Variants in ZSCAN18 observed in about 807,000 individuals in gnomAD.
ZSCAN18 encodes zinc finger and SCAN domain containing 18, also known as zinc finger and SCAN domain-containing protein 18.
Under a neutral mutation model 31.1 loss-of-function variants are expected in ZSCAN18, and 16 were observed. The observed-to-expected ratio is 0.51, with a 90% CI of 0.35 to 0.78. The LOEUF (loss-of-function observed/expected upper bound fraction) is 0.78. Among genes scored for constraint, ZSCAN18 ranks in the 30% least tolerant of loss-of-function variants. ZSCAN18 has a pLI of 0.01. For missense variants in ZSCAN18, 731 were observed against 697.4 expected (o/e 1.05, Z -0.54); for synonymous variants, 375 against 320.7 (o/e 1.17, Z -1.81).
intron 1 of ZSCAN18, among the ~76,000 whole-genome samples, chr19:58,091,755 G>A (rs1036268048): frequency 6.6e-6 from 1 of 152,090 alleles, no homozygotes. Context: ...AGTCGGCCTC[G>A]GGCTCTCATG....
At chr19:58,107,901 G>T in intron 1 of ZSCAN18, 1 of 1,073,902 alleles carries the variant, frequency 9.3e-7, no homozygotes, top group Admixed American at 4.0e-5. Context: ...GTCCCTGAAG[G>T]CTTTGCCACA....
chr19:58,085,221 G>A lies in ZSCAN18; in HGVS notation c.997C>T (p.Pro333Ser). 1 of 1,608,396 alleles carries A rather than the reference G, an allele frequency of 6.2e-7. No homozygotes were observed. The highest frequency in any genetic ancestry group is 1.1e-5 in the South Asian group (1 of 90,948). Residue 333 changes from proline to serine, a missense_variant, in exon 7 of 7, where the codon CCG (proline) becomes TCG (serine). By Grantham distance (74) the Pro-to-Ser change is moderately conservative. This residue lies in a region of ZSCAN18 where 597 missense variants were observed against 499.5 expected (regional missense o/e 1.20). Coordinates refer to ENST00000601144, the MANE Select transcript of ZSCAN18 (RefSeq NM_001145543.2). ...GCGTCCTGGGGGTCCTGCGGGTCCGGGGCCTTCCCAGGCTGCTCTTCCTCC... is the reference window on the plus strand; with the variant it reads ...GCGTCCTGGGGGTCCTGCGGGTCCGAGGCCTTCCCAGGCTGCTCTTCCTCC... ...EEEEEQPGKAPDPQDPQDAES... is the reference protein window; with the variant it reads ...EEEEEQPGKASDPQDPQDAES...
At chr19:58,107,774 G>A in intron 1 of ZSCAN18, 1 of 991,950 alleles carries the variant, frequency 1.0e-6, no homozygotes, top group Non-Finnish European at 1.2e-6. Context: ...TCAGTCCAAT[G>A]TGTCAACTCT....
At chr19:58,097,849 C>T in intron 1 of ZSCAN18, 2 of 871,418 alleles carry the variant, frequency 2.3e-6, no homozygotes, top group African/African-American at 1.9e-5. Flanking sequence ...GCCGCCCCTT[C>T]CTGTTCTCCC....
intron 1 of ZSCAN18, chr19:58,093,178 C>G (rs2074449402): frequency 6.6e-6 from 1 of 152,272 alleles, no homozygotes. Context: ...CCGCTCACTG[C>G]CCCCGCCTTT....
chr19:58,085,421 G>A (rs765735632), intron 6 of ZSCAN18, 42 bp from the exon 7 acceptor site: 2 of 1,497,924 alleles, frequency 1.3e-6, no homozygotes, highest in Non-Finnish European at 1.8e-6. Context: ...CCCCGCCCAG[G>A]GCCAGGGAGA....
At position 58,085,616 on chromosome 19, in the gene ZSCAN18, G is replaced by A. The variant is rs1484688034; in HGVS notation, c.839-237C>T. The stretch of plus-strand genomic sequence containing the variant: ...CTCCAACAACGGAGGCCACCGACAG[G>A]ACAGGAAGGACAGCCCCACTGAGCC... On this transcript the variant is annotated intron_variant, in intron 6 of 6. Coordinates refer to ENST00000601144, the MANE Select transcript of ZSCAN18 (RefSeq NM_001145543.2). 24 of 530,066 alleles carry A rather than the reference G, an allele frequency of 4.5e-5. No individual in the cohort carries two copies. The South Asian group carries it at 6.3e-4, about 14-fold the overall frequency. The allele number at this position is 530,066 out of a possible 1,614,324, so 32.8% of individuals were successfully genotyped here. A position where few individuals can be genotyped will look rare whatever the true frequency, so the allele number is the denominator to read the frequency against.
intron 6 of ZSCAN18, chr19:58,085,970 C>G (rs1335685162): frequency 1.8e-6 from 1 of 570,908 alleles, no homozygotes; most frequent in East Asian, 2.9e-5. Flanking sequence ...TTCCACCGAC[C>G]AAGTCTTGGG....
At position 58,084,393 on chromosome 19, in the gene ZSCAN18, A is replaced by C; in HGVS notation, c.*292T>G. 2.7e-6 allele frequency: 1 copy of C among 370,024 alleles called. No individual in the cohort carries two copies. Among genetic ancestry groups the C allele is most frequent in the Non-Finnish European group, 4.8e-6 (1 of 207,360 alleles). 22.9% of individuals were successfully genotyped at this position (370,024 alleles called of 1,614,324 possible). The stretch of plus-strand genomic sequence containing the variant: ...AACTCTACACTGCACAATGTCAAAT[A>C]ACCTAGCATGGGGCGGCACTAAATG... On this transcript the variant is annotated 3_prime_UTR_variant, in exon 7 of 7. Coordinates refer to ENST00000601144, the MANE Select transcript of ZSCAN18 (RefSeq NM_001145543.2). This position sits in a 1 kb window ranked among gnomAD's most constrained non-coding sequence, Gnocchi z 4.5.
rs1033915752 is a variant in ZSCAN18 at position 58,108,091 on chromosome 19, T to A, written c.130+10176A>T. Reference sequence around the variant, plus strand: ...AGATTTTTTCACATTGTTTAACTCATGAGATTTCTTTCCAGAATGATTTTT... The same window carrying A: ...AGATTTTTTCACATTGTTTAACTCAAGAGATTTCTTTCCAGAATGATTTTT... On this transcript the variant is annotated intron_variant, in intron 1 of 1. Coordinates refer to the ZSCAN18 transcript ENST00000595721. The A allele has an allele frequency of 1.3e-5, 13 of 992,030 alleles. No homozygotes were observed. In the African/African-American group the frequency reaches 1.7e-4, roughly 13 times the overall value. The allele number at this position is 992,030 out of a possible 1,614,324, so 61.5% of individuals were successfully genotyped here.
intron 1 of ZSCAN18, among the ~76,000 whole-genome samples, chr19:58,103,492 A>T (rs2074610783): frequency 6.6e-6 from 1 of 152,176 alleles, no homozygotes; most frequent in East Asian, 1.9e-4. Context: ...GTGATCTGTG[A>T]TCAGTAATTT....
chr19:58,088,641 C>T lies in ZSCAN18; in HGVS notation c.553+47G>A, dbSNP rs190286033. On this transcript the variant is annotated intron_variant, in intron 3 of 6. Coordinates refer to ENST00000601144, the MANE Select transcript of ZSCAN18 (RefSeq NM_001145543.2). The stretch of plus-strand genomic sequence containing the variant: ...CCCAACCACAGGCCTCTGCCCAACA[C>T]CCCACCTAAGGCCCAGCAGAGGCTG... 6.4e-4 allele frequency: 1,020 copies of T among 1,586,848 alleles called. 8 individuals carry two copies. The African/African-American group carries it at 0.011, about 17-fold the overall frequency.
upstream of ZSCAN18, among the ~76,000 whole-genome samples, chr19:58,102,034 A>G (rs1422787541): frequency 6.6e-6 from 1 of 152,126 alleles, no homozygotes; most frequent in Non-Finnish European, 1.5e-5. Context: ...TTTTATAAAT[A>G]AAAGCCTCAA....
At chr19:58,118,210 AAG>A in intron 1 of ZSCAN18, 1 of 853,708 alleles carries the variant, frequency 1.2e-6, no homozygotes, top group Non-Finnish European at 1.7e-6. Flanking sequence ...CACAGACAGA[AAG>A]AGCGACCACG....
chr19:58,086,386 C>T (rs1599952111), intron 5 of ZSCAN18, 120 bp from the exon 6 acceptor site: 2 of 849,128 alleles, frequency 2.4e-6, no homozygotes, highest in Non-Finnish European at 3.7e-6. Context: ...TGTACTGGGA[C>T]CCCCACCAAG....
intron 2 of ZSCAN18, among the ~76,000 whole-genome samples, chr19:58,089,397 G>T (rs1291547924): frequency 6.6e-6 from 1 of 150,628 alleles, no homozygotes; most frequent in Non-Finnish European, 1.5e-5. Context: ...GGAGACCAAG[G>T]CGGGCAGATC....
chr19:58,092,325 G>C (rs1050800385), intron 1 of ZSCAN18: 1 of 152,100 alleles, frequency 6.6e-6, no homozygotes, highest in African/African-American at 2.4e-5. Flanking sequence ...CTGTAATCCC[G>C]GCACTTTGGG....
At chr19:58,109,297 T>G (rs2074660379) in intron 1 of ZSCAN18, 1 of 1,231,582 alleles carries the variant, frequency 8.1e-7, no homozygotes, top group African/African-American at 1.6e-5. Flanking sequence ...GACTTTTGTT[T>G]CCCAGGCTGG....
At chr19:58,117,634 G>T (rs867128572) in intron 1 of ZSCAN18, among the ~76,000 whole-genome samples, 1 of 151,730 alleles carries the variant, frequency 6.6e-6, no homozygotes, top group Non-Finnish European at 1.5e-5. Flanking sequence ...AGGAGAGGCA[G>T]AAGGGAGGGG....
Sources: gnomAD v4.1 joint callset for allele counts (sites outside exome capture counted in the v4.1 genomes callset) on GRCh38, gnomAD v4.1.1 for gene constraint, gnomAD v4.1.1 regional missense constraint, Gnocchi (gnomAD v3.1) non-coding constraint, MANE v1.5 for transcripts, NCBI Gene and HGNC (gene_info 2026-07-23, HGNC 2026-07-21) for gene names.